The following AMMECR1L variants were observed in gnomAD, a reference collection of about 807,000 sequenced individuals.
AMMECR1L encodes the protein AMMECR1 like, also known as AMMECR1-like protein.
A neutral mutation model predicts 36.8 loss-of-function variants in AMMECR1L; 4 were observed. The ratio of observed to expected loss-of-function variants is 0.11; its 90% CI spans 0.05 to 0.25. AMMECR1L has a LOEUF of 0.25. AMMECR1L is among the 10% of genes least tolerant of loss of function. AMMECR1L has a pLI of 1.00. For missense variants in AMMECR1L, 232 were observed against 392.1 expected, an observed-to-expected ratio of 0.59 and a Z score of 3.45; for synonymous variants, 147 against 148.0, an observed-to-expected ratio of 0.99 and a Z score of 0.05.
chr2:127,874,115 A>G lies in AMMECR1L; in HGVS notation c.120T>C (p.Thr40=), dbSNP rs779944785. The change falls in exon 3 of 8, where the codon ACT becomes ACC. Residue 40 remains threonine, a synonymous_variant. Coordinates refer to ENST00000272647, the MANE Select transcript of AMMECR1L (RefSeq NM_001199140.2). This position sits in a 1 kb window ranked among gnomAD's most constrained non-coding sequence, Gnocchi z 5.2. ...GAGGTCCTGAACTAGAGCCGGGGAC[A>G]GTTGTGGACTGATTCCCGTGACTGT... ...GTHSHGNQST[T]VPGSSSGPLQ... 6.2e-7 allele frequency: 1 copy of G among 1,614,178 alleles called. No homozygotes were observed. Among genetic ancestry groups the G allele is most frequent in the Non-Finnish European group, 8.5e-7 (1 of 1,180,038 alleles).
chr2:127,871,039 T>A lies in AMMECR1L; in HGVS notation c.519-111A>T. 1 of 955,336 alleles carries A rather than the reference T, an allele frequency of 1.0e-6. No individual in the cohort carries two copies. The highest frequency in any genetic ancestry group is 1.7e-5 in the South Asian group (1 of 59,888). The allele number at this position is 955,336 out of a possible 1,614,324, so 59.2% of individuals were successfully genotyped here. A position where few individuals can be genotyped will look rare whatever the true frequency, so the allele number is the denominator to read the frequency against. ...CTTGAGCTATGCAGAGAGTATCTAT[T>A]GTTCATCAACACTAACATGTTAAAA... On this transcript the variant is annotated intron_variant, in intron 4 of 7. Transcript: ENST00000272647. This position sits in a 1 kb window ranked among gnomAD's most constrained non-coding sequence, Gnocchi z 4.3.
chr2:127,876,346 T>A (rs1302340798), intron 2 of AMMECR1L, among the ~76,000 whole-genome samples: 1 of 80,260 alleles, frequency 1.2e-5, no homozygotes, highest in Non-Finnish European at 2.6e-5. Context: ...CAAGGCCCTG[T>A]CTCAAAAAAA....
At position 127,869,659 on chromosome 2, in the gene AMMECR1L, G is replaced by C; in HGVS notation, c.634-115C>G. 1.2e-6 allele frequency: 1 copy of C among 855,866 alleles called. No individual in the cohort carries two copies. Among genetic ancestry groups the C allele is most frequent in the Non-Finnish European group, 1.9e-6 (1 of 526,004 alleles). The allele number at this position is 855,866 out of a possible 1,614,324, so 53.0% of individuals were successfully genotyped here. A position where few individuals can be genotyped will look rare whatever the true frequency, so the allele number is the denominator to read the frequency against. ...CAGCTTAACACAGGCCTGGAAAAGGGAGACCTTCTCGCATTTCATGACTAA... is the reference window on the plus strand; with the variant it reads ...CAGCTTAACACAGGCCTGGAAAAGGCAGACCTTCTCGCATTTCATGACTAA... On this transcript the variant is annotated intron_variant, in intron 5 of 7. Transcript: ENST00000272647. This position sits in a 1 kb window ranked among gnomAD's most constrained non-coding sequence, Gnocchi z 4.7.
At chr2:127,885,680 C>T in intron 1 of AMMECR1L, 130 bp downstream of exon 1, 12 of 983,396 alleles carry the variant, frequency 1.2e-5, no homozygotes, top group Non-Finnish European at 1.3e-5. Context: ...CGCCCCAGGA[C>T]CGCGGGGTCT....
At chr2:127,883,691 C>A (rs1250648416) in intron 2 of AMMECR1L, among the ~76,000 whole-genome samples, 9 of 152,146 alleles carry the variant, frequency 5.9e-5, no homozygotes, top group African/African-American at 1.2e-4. Context: ...AACTTTGTTT[C>A]AAGTTTACAG....
chr2:127,882,285 T>A (rs941509674), intron 2 of AMMECR1L, among the ~76,000 whole-genome samples: 4 of 152,190 alleles, frequency 2.6e-5, no homozygotes, highest in Admixed American at 6.5e-5. Flanking sequence ...TTTCTTCTGT[T>A]ATCATTTAGC....
intron 2 of AMMECR1L, among the ~76,000 whole-genome samples, chr2:127,880,277 T>C (rs1691432610): frequency 6.6e-6 from 1 of 152,024 alleles, no homozygotes; most frequent in Non-Finnish European, 1.5e-5. Context: ...ATGGTGAGAG[T>C]CCCTTTTCTT....
At chr2:127,883,775 C>T (rs534632253) in intron 2 of AMMECR1L, among the ~76,000 whole-genome samples, 17 of 152,238 alleles carry the variant, frequency 1.1e-4, no homozygotes, top group South Asian at 4.1e-4. Context: ...AAATTTAGGA[C>T]AAAATGTTCC....
In AMMECR1L at chr2:127,867,010, A is replaced by G. The variant is rs1358050437; in HGVS notation, c.725-14T>C. 6.2e-7 allele frequency: 1 copy of G among 1,613,818 alleles called. No individual in the cohort carries two copies. Among genetic ancestry groups the G allele is most frequent in the African/African-American group, 1.3e-5 (1 of 74,932 alleles). On this transcript the variant is annotated splice_polypyrimidine_tract_variant and intron_variant, in intron 6 of 7. Coordinates refer to ENST00000272647, the MANE Select transcript of AMMECR1L (RefSeq NM_001199140.2). ...TCTGATCCCAGTCTGGGGAGGAGAAAGGCCACACTGAGGTCAATGCACATG... is the reference window on the plus strand; with the variant it reads ...TCTGATCCCAGTCTGGGGAGGAGAAGGGCCACACTGAGGTCAATGCACATG...
At position 127,871,244 on chromosome 2, in the gene AMMECR1L, A is replaced by G; in HGVS notation, c.518+5T>C. 6.2e-7 allele frequency: 1 copy of G among 1,613,876 alleles called. No homozygotes were observed. The highest frequency in any genetic ancestry group is 2.2e-5 in the East Asian group (1 of 44,880). On this transcript the variant is annotated splice_donor_5th_base_variant and intron_variant, in intron 4 of 7. Coordinates refer to ENST00000272647, the MANE Select transcript of AMMECR1L (RefSeq NM_001199140.2). This position sits in a 1 kb window ranked among gnomAD's most constrained non-coding sequence, Gnocchi z 4.3. ...TCTACAGTTCTTAATGTCTGGTGTC[A>G]TTACCTGGTTAACGTGTATTCCCTG...
Position 127,874,369 on chromosome 2 carries a change from G to T in AMMECR1L, c.-38-97C>A. The stretch of plus-strand genomic sequence containing the variant: ...GAGAGTCTGCATTGACCAGCTAAGA[G>T]CTGTCAAATTCTTTCTCCCACTCAA... On this transcript the variant is annotated intron_variant, in intron 2 of 7. Transcript: ENST00000272647. This position sits in a 1 kb window ranked among gnomAD's most constrained non-coding sequence, Gnocchi z 5.2. The T allele has an allele frequency of 8.4e-7, 1 of 1,197,588 alleles. No individual in the cohort carries two copies. Among genetic ancestry groups the T allele is most frequent in the African/African-American group, 1.5e-5 (1 of 64,730 alleles). 74.2% of individuals were successfully genotyped at this position (1,197,588 alleles called of 1,614,324 possible). A position where few individuals can be genotyped will look rare whatever the true frequency, so the allele number is the denominator to read the frequency against.
chr2:127,870,876 G>C lies in AMMECR1L; in HGVS notation c.571C>G (p.Leu191Val), dbSNP rs1365166332. ...GTAAGGAGGGAGACAGAGCAGAAAAGTTTAGGCAGCTCCTCTCGGGTCAGG... is the reference window on the plus strand; with the variant it reads ...GTAAGGAGGGAGACAGAGCAGAAAACTTTAGGCAGCTCCTCTCGGGTCAGG... ...PPLTREELPK[L>V]FCSVSLLTNF... The change falls in exon 5 of 8, where the codon CTT becomes GTT. Residue 191 changes from leucine to valine, a missense_variant. Leu to Val is a conservative substitution (Grantham distance 32, BLOSUM62 1). Coordinates refer to ENST00000272647, the MANE Select transcript of AMMECR1L (RefSeq NM_001199140.2). The C allele has an allele frequency of 6.2e-7, 1 of 1,613,788 alleles. No homozygotes were observed. The highest frequency in any genetic ancestry group is 8.5e-7 in the Non-Finnish European group (1 of 1,179,908).
At chr2:127,881,264 A>G (rs1403207624) in intron 2 of AMMECR1L, among the ~76,000 whole-genome samples, 1 of 139,002 alleles carries the variant, frequency 7.2e-6, no homozygotes, top group East Asian at 2.0e-4. Flanking sequence ...TTGTGGTTTC[A>G]GGGATTAATA....
chr2:127,871,573 G>A lies in AMMECR1L; in HGVS notation c.408-214C>T, dbSNP rs1251805524. ...ACAAGGCAGCATAAGGAAAGGCTCC[G>A]TGTAGTGGTTCCCATGTTCCATGCT... On this transcript the variant is annotated intron_variant, in intron 3 of 7. Transcript: ENST00000272647. The surrounding 1 kb of genome is among the most constrained non-coding windows in gnomAD (Gnocchi z 4.3). Among the ~76,000 whole-genome samples the A allele has an allele frequency of 6.6e-6, 1 of 152,208 alleles. No individual in the cohort carries two copies. Among genetic ancestry groups the A allele is most frequent in the African/African-American group, 2.4e-5 (1 of 41,450 alleles).
rs1052700754 is a variant in AMMECR1L at position 127,864,600 on chromosome 2, T to C, written c.*494A>G. 2 of 152,440 alleles carry C rather than the reference T, an allele frequency of 1.3e-5. No homozygotes were observed. Among genetic ancestry groups the C allele is most frequent in the African/African-American group, 4.8e-5 (2 of 41,460 alleles). 9.4% of individuals were successfully genotyped at this position (152,440 alleles called of 1,614,324 possible). Reference sequence around the variant, plus strand: ...GAAGCATGGAGGTTGTAATCAACTCTTGGTACGCAATAAACTGGAAGTTTA... The same window carrying C: ...GAAGCATGGAGGTTGTAATCAACTCCTGGTACGCAATAAACTGGAAGTTTA... On this transcript the variant is annotated 3_prime_UTR_variant, in exon 8 of 8. Transcript: ENST00000272647.
At position 127,885,098 on chromosome 2, in the gene AMMECR1L, G is replaced by C. The variant is rs189665907; in HGVS notation, c.-149+712C>G. ...CACAACCCACAGCCTGGGAAAGAGAGGCATGAAACCCAGCGTGTCAGGTGG... is the reference window on the plus strand; with the variant it reads ...CACAACCCACAGCCTGGGAAAGAGACGCATGAAACCCAGCGTGTCAGGTGG... On this transcript the variant is annotated intron_variant, in intron 1 of 7. Coordinates refer to ENST00000272647, the MANE Select transcript of AMMECR1L (RefSeq NM_001199140.2). The C allele has an allele frequency of 1.0e-3, 940 of 944,076 alleles. 7 individuals carry two copies. The African/African-American group carries it at 0.015, about 15-fold the overall frequency. 58.5% of individuals were successfully genotyped at this position (944,076 alleles called of 1,614,324 possible). A position where few individuals can be genotyped will look rare whatever the true frequency, so the allele number is the denominator to read the frequency against.
rs902310517 is a variant in AMMECR1L, at chr2:127,871,676, G to T, written c.408-317C>A. 6.6e-6 allele frequency among the ~76,000 whole-genome samples: 1 copy of T among 151,924 alleles called. No individual in the cohort carries two copies. The highest frequency in any genetic ancestry group is 1.5e-5 in the Non-Finnish European group (1 of 68,004). ...CTGCCCAAGACTCAACTTTTCCTTC[G>T]AATTCTCCAGTTTCCTCTTCCCTAA... On this transcript the variant is annotated intron_variant, in intron 3 of 7. Transcript: ENST00000272647. This position sits in a 1 kb window ranked among gnomAD's most constrained non-coding sequence, Gnocchi z 4.3.
In AMMECR1L at chr2:127,885,138, G is replaced by A; in HGVS notation, c.-149+672C>T. On this transcript the variant is annotated intron_variant, in intron 1 of 7. Coordinates refer to ENST00000272647, the MANE Select transcript of AMMECR1L (RefSeq NM_001199140.2). The stretch of plus-strand genomic sequence containing the variant: ...GTGTCAGGTGGACGGATCATGGAAT[G>A]GGGGGCCAGCGGAGGTTAAGGAAGG... 4.1e-6 allele frequency: 4 copies of A among 985,006 alleles called. 1 individual carries two copies. Among genetic ancestry groups the A allele is most frequent in the Non-Finnish European group, 4.8e-6 (4 of 829,808 alleles). 61.0% of individuals were successfully genotyped at this position (985,006 alleles called of 1,614,324 possible). A position where few individuals can be genotyped will look rare whatever the true frequency, so the allele number is the denominator to read the frequency against.
Position 127,874,132 on chromosome 2 carries a change from C to T in AMMECR1L, c.103G>A (p.Gly35Arg), listed in dbSNP as rs140976889. 3.2e-5 allele frequency: 51 copies of T among 1,614,012 alleles called. No individual in the cohort carries two copies. Among genetic ancestry groups the T allele is most frequent in the Non-Finnish European group, 4.2e-5 (49 of 1,180,038 alleles). ...KLSGSGTHSH[G>R]NQSTTVPGSS... ...CCGGGGACAGTTGTGGACTGATTCCCGTGACTGTGCGTTCCACTTCCAGAT... is the reference window on the plus strand; with the variant it reads ...CCGGGGACAGTTGTGGACTGATTCCTGTGACTGTGCGTTCCACTTCCAGAT... Residue 35 changes from glycine (G) to arginine (R), a missense_variant, in exon 3 of 8, where the codon GGG becomes AGG. Transcript: ENST00000272647. This position sits in a 1 kb window ranked among gnomAD's most constrained non-coding sequence, Gnocchi z 5.2.
Sources: gnomAD v4.1 joint callset for allele counts (sites outside exome capture counted in the v4.1 genomes callset) on GRCh38, gnomAD v4.1.1 for gene constraint, Gnocchi (gnomAD v3.1) non-coding constraint, MANE v1.5 for transcripts, NCBI Gene and HGNC (gene_info 2026-07-23, HGNC 2026-07-21) for gene names.